The following CTNNA2 variants were observed in gnomAD, a reference collection of about 807,000 sequenced individuals.
CTNNA2 encodes the protein catenin alpha 2, also known as catenin alpha-2.
In CTNNA2, 42 loss-of-function variants were observed where a neutral mutation model predicts 101.0. The ratio of observed to expected loss-of-function variants is 0.42; its 90% confidence interval spans 0.32 to 0.54. CTNNA2 has a LOEUF of 0.54. Among genes scored for constraint, CTNNA2 ranks in the 20% least tolerant of loss-of-function variants. CTNNA2 has a pLI of 0.14. For synonymous variants in CTNNA2, 450 were observed against 456.4 expected, an observed-to-expected ratio of 0.99 and a Z score of 0.18; for missense variants, 871 against 1,223.1, an observed-to-expected ratio of 0.71 and a Z score of 4.29.
chr2:80,289,074 A>G (rs1675013966), intron 7 of CTNNA2: 2 of 152,150 alleles, frequency 1.3e-5, no homozygotes, highest in African/African-American at 4.8e-5. Context: ...GCCGAGATGG[A>G]TTTCTTTCCC....
At chr2:80,309,932 A>G (rs1677388838) in intron 7 of CTNNA2, among the ~76,000 whole-genome samples, 1 of 151,582 alleles carries the variant, frequency 6.6e-6, no homozygotes, top group African/African-American at 2.4e-5. Flanking sequence ...ACAAACTCTA[A>G]TAGAGTTTGG....
intron 7 of CTNNA2, among the ~76,000 whole-genome samples, chr2:79,941,096 C>T (rs1050552959): frequency 6.6e-6 from 1 of 152,164 alleles, no homozygotes; most frequent in Non-Finnish European, 1.5e-5. Context: ...CCAGGTCCAG[C>T]TTATGTGGAT....
chr2:80,527,117 A>G (rs1690111992), intron 9 of CTNNA2, among the ~76,000 whole-genome samples: 1 of 152,234 alleles, frequency 6.6e-6, no homozygotes, highest in Non-Finnish European at 1.5e-5. Flanking sequence ...TACCCAGAAT[A>G]TTCATGAAAG....
chr2:80,451,721 T>C (rs1435861629), intron 9 of CTNNA2, among the ~76,000 whole-genome samples: 1 of 152,174 alleles, frequency 6.6e-6, no homozygotes, highest in African/African-American at 2.4e-5. Flanking sequence ...ATATTTTATT[T>C]AATTTTGGGG....
At chr2:80,529,525 G>A (rs1210092273) in intron 9 of CTNNA2, among the ~76,000 whole-genome samples, 1 of 152,144 alleles carries the variant, frequency 6.6e-6, no homozygotes, top group Non-Finnish European at 1.5e-5. Flanking sequence ...CCTCCAAATA[G>A]TTTTATAGCC....
intron 5 of CTNNA2, among the ~76,000 whole-genome samples, chr2:79,506,025 A>G (rs1671405702): frequency 6.6e-6 from 1 of 152,216 alleles, no homozygotes; most frequent in African/African-American, 2.4e-5. Flanking sequence ...GAATGTCATA[A>G]TAATACACAA....
Position 79,356,849 on chromosome 2 carries a change from C to T in CTNNA2, c.-317-16982C>T, listed in dbSNP as rs113126667. On this transcript the variant is annotated intron_variant, in intron 3 of 21. Transcript: ENST00000466387. ...AAGAAGAAGGAATGGAAGTTAAAAA[C>T]CAACAATAGAATTGATAGATTAGAA... Among the ~76,000 whole-genome samples, 404 of 152,036 alleles carry T rather than the reference C, an allele frequency of 2.7e-3. 3 individuals are homozygous for T. Among genetic ancestry groups the T allele is most frequent in the African/African-American group, 8.7e-3 (362 of 41,458 alleles).
chr2:80,278,843 C>T (rs1573580868), intron 7 of CTNNA2, among the ~76,000 whole-genome samples: 1 of 151,884 alleles, frequency 6.6e-6, no homozygotes, highest in Non-Finnish European at 1.5e-5. Flanking sequence ...TTGGGCACAC[C>T]TGGGGTTCTA....
intron 7 of CTNNA2, among the ~76,000 whole-genome samples, chr2:79,926,322 A>G (rs1281674064): frequency 6.6e-6 from 1 of 152,176 alleles, no homozygotes; most frequent in Non-Finnish European, 1.5e-5. Flanking sequence ...TGTTCTTTAG[A>G]AAGTGTCAGG....
intron 7 of CTNNA2, among the ~76,000 whole-genome samples, chr2:80,011,797 G>C (rs1429543356): frequency 6.6e-6 from 1 of 152,106 alleles, no homozygotes; most frequent in African/African-American, 2.4e-5. Context: ...CGATGTTCCA[G>C]TATCTATGTT....
At chr2:79,596,651 A>C (rs1040248991) in intron 1 of CTNNA2, among the ~76,000 whole-genome samples, 1 of 152,210 alleles carries the variant, frequency 6.6e-6, no homozygotes, top group African/African-American at 2.4e-5. Flanking sequence ...AAGAAAGGCG[A>C]GAGCTTTCTT....
At position 80,303,033 on chromosome 2, in the gene CTNNA2, A is replaced by G. The variant is rs772711000; in HGVS notation, c.1057-90178A>G. Reference sequence around the variant, plus strand: ...ATGTACTCGATCTCGTTGCCCGACAAGTCCATTTTCTCCAGGTTCCAAACC... The same window carrying G: ...ATGTACTCGATCTCGTTGCCCGACAGGTCCATTTTCTCCAGGTTCCAAACC... On this transcript the variant is annotated intron_variant, in intron 7 of 18. Coordinates refer to ENST00000402739, the MANE Select transcript of CTNNA2 (RefSeq NM_001282597.3). This position sits in a 1 kb window ranked among gnomAD's most constrained non-coding sequence, Gnocchi z 7.7. The G allele has an allele frequency of 6.2e-7, 1 of 1,613,748 alleles. No homozygotes were observed. The highest frequency in any genetic ancestry group is 1.7e-5 in the Admixed American group (1 of 59,968).
intron 7 of CTNNA2, among the ~76,000 whole-genome samples, chr2:80,357,685 A>G (rs1402776598): frequency 6.6e-6 from 1 of 152,128 alleles, no homozygotes; most frequent in Non-Finnish European, 1.5e-5. Flanking sequence ...TGACTCTTCT[A>G]GTCAAAACCA....
chr2:80,012,672 C>G (rs1447181194), intron 7 of CTNNA2, among the ~76,000 whole-genome samples: 3 of 152,156 alleles, frequency 2.0e-5, no homozygotes, highest in Non-Finnish European at 4.4e-5. Context: ...AAATGGCAGG[C>G]TGGATTTGGC....
At chr2:79,481,193 G>A (rs1002851204) in intron 4 of CTNNA2, among the ~76,000 whole-genome samples, 6 of 151,944 alleles carry the variant, frequency 3.9e-5, no homozygotes, top group South Asian at 4.1e-4. Context: ...TTATGTAATC[G>A]GAAAAACTTA....
intron 3 of CTNNA2, among the ~76,000 whole-genome samples, chr2:79,332,894 T>G (rs1676907747): frequency 6.6e-6 from 1 of 152,064 alleles, no homozygotes. Context: ...TCACTAATGC[T>G]CCAATGGTGT....
chr2:80,264,083 A>G (rs998628109), intron 7 of CTNNA2, among the ~76,000 whole-genome samples: 1 of 152,210 alleles, frequency 6.6e-6, no homozygotes, highest in Admixed American at 6.5e-5. Flanking sequence ...TTAACCATAA[A>G]TAATAGAGTG....
chr2:80,596,968 A>G (rs978886667), intron 15 of CTNNA2, among the ~76,000 whole-genome samples: 2 of 152,188 alleles, frequency 1.3e-5, no homozygotes, highest in East Asian at 1.9e-4. Flanking sequence ...TAAGATAATC[A>G]TGGTTTTTGT....
chr2:79,893,216 C>T (rs1300744563), intron 6 of CTNNA2, among the ~76,000 whole-genome samples: 3 of 152,110 alleles, frequency 2.0e-5, no homozygotes, highest in Non-Finnish European at 4.4e-5. Flanking sequence ...TTTTGTCCTC[C>T]TTCAGCCCGT....
Sources: gnomAD v4.1 joint callset for allele counts (sites outside exome capture counted in the v4.1 genomes callset) on GRCh38, gnomAD v4.1.1 for gene constraint, Gnocchi (gnomAD v3.1) non-coding constraint, MANE v1.5 for transcripts, NCBI Gene and HGNC (gene_info 2026-07-23, HGNC 2026-07-21) for gene names.